BBX: variants seen among roughly 807,000 people sequenced by gnomAD.
BBX encodes the protein HMG box transcription factor BBX.
Under a neutral mutation model 100.2 loss-of-function variants are expected in BBX, and 30 were observed. The observed-to-expected ratio is 0.30, with a 90% CI of 0.22 to 0.41. The LOEUF (loss-of-function observed/expected upper bound fraction) is 0.41, where lower values mean the gene tolerates loss of function less well. Among genes scored for constraint, BBX ranks in the 10% least tolerant of loss-of-function variants. The pLI, the probability that BBX is intolerant of heterozygous loss-of-function variation, is 1.00. For missense variants in BBX, 1,023 were observed against 1,129.8 expected (o/e 0.91, Z 1.35); for synonymous variants, 376 against 388.1 (o/e 0.97, Z 0.37).
At chr3:107,722,793 A>G (rs899831104) in intron 5 of BBX, among the ~76,000 whole-genome samples, 1 of 152,024 alleles carries the variant, frequency 6.6e-6, no homozygotes, top group Non-Finnish European at 1.5e-5. Flanking sequence ...TTCAGATCAG[A>G]TAATGCATTG....
intron 10 of BBX, among the ~76,000 whole-genome samples, chr3:107,770,973 A>G (rs1429174895): frequency 6.6e-6 from 1 of 152,220 alleles, no homozygotes; most frequent in Non-Finnish European, 1.5e-5. Context: ...ACAACTTGCC[A>G]TTTAATAAAA....
At chr3:107,736,807 C>T (rs1393667683) in intron 7 of BBX, among the ~76,000 whole-genome samples, 4 of 151,906 alleles carry the variant, frequency 2.6e-5, no homozygotes, top group East Asian at 3.9e-4. Context: ...AAGTGAGCAA[C>T]GTAAATTCAT....
chr3:107,556,484 T>C (rs2050107216), intron 2 of BBX, among the ~76,000 whole-genome samples: 1 of 152,330 alleles, frequency 6.6e-6, no homozygotes, highest in East Asian at 1.9e-4. Context: ...CTGGGTGTTA[T>C]ACAGCTTTAT....
chr3:107,778,591 C>T, intron 13 of BBX, 72 bp downstream of exon 13: 1 of 1,487,106 alleles, frequency 6.7e-7, no homozygotes, highest in Non-Finnish European at 9.1e-7. Context: ...GCTTTTAGCT[C>T]CCTTTAGACA....
chr3:107,548,303 CTTGCTAAAAACACTT>C (rs1384617768), intron 2 of BBX, among the ~76,000 whole-genome samples: 1 of 152,190 alleles, frequency 6.6e-6, no homozygotes, highest in Non-Finnish European at 1.5e-5. Flanking sequence ...AATTTATACT[CTTGCTAAAAACACTT>C]TTGCCTTTTT....
At chr3:107,695,665 G>A (rs376289832) in intron 3 of BBX, among the ~76,000 whole-genome samples, 16 of 151,774 alleles carry the variant, frequency 1.1e-4, no homozygotes, top group Admixed American at 3.3e-4. Flanking sequence ...AAAAAAATGT[G>A]TATTCTGTTG....
At chr3:107,625,484 A>G (rs2056100057) in intron 2 of BBX, among the ~76,000 whole-genome samples, 1 of 152,236 alleles carries the variant, frequency 6.6e-6, no homozygotes, top group African/African-American at 2.4e-5. Context: ...GAGTTTTGCC[A>G]TGTTGTCCAG....
At chr3:107,712,984 A>G (rs979692358) in intron 4 of BBX, among the ~76,000 whole-genome samples, 2 of 152,176 alleles carry the variant, frequency 1.3e-5, no homozygotes, top group Non-Finnish European at 2.9e-5. Flanking sequence ...ATCTCATATT[A>G]TTATCCTGCA....
At chr3:107,696,511 TG>T (rs2060612624) in intron 3 of BBX, among the ~76,000 whole-genome samples, 1 of 151,612 alleles carries the variant, frequency 6.6e-6, no homozygotes, top group South Asian at 2.1e-4. Flanking sequence ...TCTTTAAGAA[TG>T]TTGAATACTG....
chr3:107,603,673 C>A (rs890388847), intron 2 of BBX, among the ~76,000 whole-genome samples: 3 of 152,136 alleles, frequency 2.0e-5, no homozygotes, highest in Admixed American at 6.5e-5. Flanking sequence ...CCACCGTACC[C>A]GGCCTCCTTG....
intron 10 of BBX, among the ~76,000 whole-genome samples, chr3:107,763,004 A>G (rs767756815): frequency 7.9e-5 from 12 of 152,206 alleles, no homozygotes; most frequent in Middle Eastern, 3.2e-3. Flanking sequence ...AGTGTATAAC[A>G]TTACCTTCAG....
chr3:107,788,159 A>G (rs1017756278), intron 13 of BBX, among the ~76,000 whole-genome samples: 2 of 152,166 alleles, frequency 1.3e-5, no homozygotes, highest in Admixed American at 1.3e-4. Flanking sequence ...CTGACAGTAG[A>G]GGTAATCACC....
At chr3:107,705,365 C>T (rs1008571141) in intron 3 of BBX, among the ~76,000 whole-genome samples, 17 of 152,136 alleles carry the variant, frequency 1.1e-4, no homozygotes, top group Non-Finnish European at 2.1e-4. Flanking sequence ...TAAAATACCA[C>T]CGTGACACAG....
chr3:107,714,289 T>C lies in BBX; in HGVS notation c.163-2318T>C, dbSNP rs570277709. 2.1e-3 allele frequency among the ~76,000 whole-genome samples: 318 copies of C among 152,238 alleles called. 2 individuals are homozygous for C. The highest frequency in any genetic ancestry group is 3.4e-3 in the Middle Eastern group (1 of 294). On this transcript the variant is annotated intron_variant, in intron 4 of 17. Coordinates refer to ENST00000325805, the MANE Select transcript of BBX (RefSeq NM_001142568.3). ...ACCCAACCTGATTTGTTTCTCACAA[T>C]GTAGCTCAGGCAACCTTTTCCAGGG...
At chr3:107,770,298 G>A (rs1027301782) in intron 10 of BBX, among the ~76,000 whole-genome samples, 12 of 152,124 alleles carry the variant, frequency 7.9e-5, no homozygotes, top group Non-Finnish European at 4.4e-5. Context: ...AACTAGCGCC[G>A]GTAAGGTAAA....
rs964151751 is a variant in BBX, at chr3:107,810,868, A to C, written c.*5411A>C. On this transcript the variant is annotated 3_prime_UTR_variant, in exon 18 of 18. Coordinates refer to ENST00000325805, the MANE Select transcript of BBX (RefSeq NM_001142568.3). Reference sequence around the variant, plus strand: ...TTAACCACAGCTTCATTTGACCACCAGGTCTAAAGTCTGTTGACAGTTTCA... The same window carrying C: ...TTAACCACAGCTTCATTTGACCACCCGGTCTAAAGTCTGTTGACAGTTTCA... The C allele has an allele frequency of 6.6e-6, 1 of 152,046 alleles. No homozygotes were observed. Among genetic ancestry groups the C allele is most frequent in the African/African-American group, 2.4e-5 (1 of 41,406 alleles). 9.4% of individuals were successfully genotyped at this position (152,046 alleles called of 1,614,324 possible).
At chr3:107,530,306 C>A (rs2048067586) in intron 2 of BBX, among the ~76,000 whole-genome samples, 2 of 152,048 alleles carry the variant, frequency 1.3e-5, no homozygotes, top group Admixed American at 6.6e-5. Context: ...GCAGGAGAAT[C>A]CCTTGAACCT....
Position 107,584,163 on chromosome 3 carries a change from ATAT to A in BBX, c.-84+57772_-84+57774del, listed in dbSNP as rs1393177955. Among the ~76,000 whole-genome samples the A allele has an allele frequency of 8.8e-4, 27 of 30,694 alleles. 2 individuals are homozygous for A. The Admixed American group carries it at 8.9e-3, about 10-fold the overall frequency. 20.1% of individuals were successfully genotyped at this position (30,694 alleles called of 152,430 possible). On this transcript the variant is annotated intron_variant, in intron 2 of 17. Transcript: ENST00000325805. ...ATATTATATATAATATATGATATAT[ATAT>A]TATTATATATATTATATATAATATA...
intron 2 of BBX, among the ~76,000 whole-genome samples, chr3:107,628,395 A>C (rs2056339921): frequency 6.6e-6 from 1 of 152,032 alleles, no homozygotes; most frequent in Non-Finnish European, 1.5e-5. Flanking sequence ...TGAAAAAAAA[A>C]CATATTACCC....
Sources: gnomAD v4.1 joint callset for allele counts (sites outside exome capture counted in the v4.1 genomes callset) on GRCh38, gnomAD v4.1.1 for gene constraint, MANE v1.5 for transcripts, NCBI Gene and HGNC (gene_info 2026-07-23, HGNC 2026-07-21) for gene names.